The following PRSS54 variants were observed in gnomAD, a reference collection of about 807,000 sequenced individuals.
The protein encoded by PRSS54 is serine protease 54.
A neutral mutation model predicts 19.9 loss-of-function variants in PRSS54; 16 were observed. That is an observed-to-expected ratio of 0.80 (90% CI 0.54 to 1.22). PRSS54 has a LOEUF of 1.22. PRSS54 is among the 50% of genes most tolerant of loss of function. PRSS54 has a pLI of 0.00. For missense variants in PRSS54, 444 were observed against 494.8 expected, an observed-to-expected ratio of 0.90 and a Z score of 0.97; for synonymous variants, 177 against 195.8, an observed-to-expected ratio of 0.90 and a Z score of 0.80.
At chr16:58,285,744 A>AACAG (rs138992112) in intron 5 of PRSS54, among the ~76,000 whole-genome samples, 193 bp downstream of exon 5, 4 of 77,366 alleles carry the variant, frequency 5.2e-5, no homozygotes, top group African/African-American at 2.1e-4. Context: ...AAAAAAAAAA[A>AACAG]AAGAAGAAGA....
In PRSS54 at chr16:58,280,133, A is replaced by G; in HGVS notation, c.*91T>C. ...TTATCCGTGGCAGCCCCAGTGTGCA[A>G]CTATCAAAAACAGACATCAAAACAG... is the stretch of plus-strand genomic sequence containing the variant. On this transcript the variant is annotated 3_prime_UTR_variant, in exon 7 of 7. Coordinates refer to ENST00000567164, the MANE Select transcript of PRSS54 (RefSeq NM_001305173.2). 3.0e-6 allele frequency: 4 copies of G among 1,334,462 alleles called. No homozygotes were observed. Among genetic ancestry groups the G allele is most frequent in the Non-Finnish European group, 4.1e-6 (4 of 964,122 alleles). The allele number at this position is 1,334,462 out of a possible 1,614,324, so 82.7% of individuals were successfully genotyped here. A position where few individuals can be genotyped will look rare whatever the true frequency, so the allele number is the denominator to read the frequency against.
chr16:58,284,633 T>C lies in PRSS54; in HGVS notation c.611A>G (p.Glu204Gly). 6.2e-7 allele frequency: 1 copy of C among 1,614,072 alleles called. No individual in the cohort carries two copies. Among genetic ancestry groups the C allele is most frequent in the Non-Finnish European group, 8.5e-7 (1 of 1,179,980 alleles). Residue 204 changes from glutamate to glycine, a missense_variant, in exon 6 of 7, where the codon GAA becomes GGA. Transcript: ENST00000567164. ...TTCCTCTTTCGTGTGGCTGCCGCAT[T>C]CTGTCTTCTGGAGTTTGTATAGGGG... ...MCPLYKLQKT[E>G]CGSHTKEETK... is the part of the protein sequence containing the mutation.
intron 4 of PRSS54, among the ~76,000 whole-genome samples, chr16:58,287,655 A>G (rs55820457): frequency 0.1 from 15,732 of 152,250 alleles, 903 homozygotes; most frequent in Admixed American, 0.13. Flanking sequence ...CCACTGGTAT[A>G]ACCCATACAG....
rs957391032 is a variant in PRSS54 at position 58,293,763 on chromosome 16, C to G, written c.54G>C (p.Leu18=). The change falls in exon 3 of 7, where the codon CTG becomes CTC. Residue 18 remains leucine, a synonymous_variant. Transcript: ENST00000567164. ...SGDGKMRGVL[L]VLLGLLYSST... ...AAGAATAGAGAAGGCCGAGCAGCAC[C>G]AGGAGCACCCCTCGCATCTTGCCAT... 6.2e-7 allele frequency: 1 copy of G among 1,613,418 alleles called. No individual in the cohort carries two copies.
At position 58,284,644 on chromosome 16, in the gene PRSS54, G is replaced by GC; in HGVS notation, c.599_600insG (p.Gln201ProfsTer46). ...TGTGGCTGCCGCATTCTGTCTTCTGGAGTTTGTATAGGGGACACATGTCAA... is the reference window on the plus strand; with the variant it reads ...TGTGGCTGCCGCATTCTGTCTTCTGGCAGTTTGTATAGGGGACACATGTCAA... On this transcript the variant is annotated frameshift_variant, in exon 6 of 7. Transcript: ENST00000567164. 10 of 1,614,012 alleles carry GC rather than the reference G, an allele frequency of 6.2e-6. No individual in the cohort carries two copies. Among genetic ancestry groups the GC allele is most frequent in the Non-Finnish European group, 8.5e-6 (10 of 1,179,976 alleles).
In PRSS54 at chr16:58,293,781, C is replaced by T; in HGVS notation, c.36G>A (p.Lys12=). ...VSAAGLSGDG[K]MRGVLLVLLG... is the part of the protein sequence containing the mutation. Reference sequence around the variant, plus strand: ...GCAGCACCAGGAGCACCCCTCGCATCTTGCCATCCCCAGAGAGACCCGCCG... The same window carrying T: ...GCAGCACCAGGAGCACCCCTCGCATTTTGCCATCCCCAGAGAGACCCGCCG... Residue 12 remains lysine (K), a synonymous_variant, in exon 3 of 7, where the codon AAG becomes AAA. Transcript: ENST00000567164. 3.7e-6 allele frequency: 6 copies of T among 1,613,366 alleles called. No individual in the cohort carries two copies. Among genetic ancestry groups the T allele is most frequent in the Non-Finnish European group, 5.1e-6 (6 of 1,179,752 alleles).
At chr16:58,282,924 T>C (rs1964813304) in intron 6 of PRSS54, 1 of 152,302 alleles carries the variant, frequency 6.6e-6, no homozygotes, top group African/African-American at 2.4e-5. Context: ...TCCACCCACC[T>C]GGGCACAGCA....
At chr16:58,281,954 C>G (rs1345734416) in intron 6 of PRSS54, 1 of 151,780 alleles carries the variant, frequency 6.6e-6, no homozygotes, top group Non-Finnish European at 1.5e-5. Context: ...GCAATTCTCC[C>G]ACCTCAGCCT....
At chr16:58,285,811 C>T in intron 5 of PRSS54, 126 bp downstream of exon 5, 1 of 1,073,616 alleles carries the variant, frequency 9.3e-7, no homozygotes, top group Non-Finnish European at 1.3e-6. Context: ...GTAAGGGTTT[C>T]AGCCAAACTC....
At chr16:58,280,792 A>G (rs1425410225) in intron 6 of PRSS54, 35 bp from the exon 7 acceptor site, 1 of 1,542,728 alleles carries the variant, frequency 6.5e-7, no homozygotes, top group Non-Finnish European at 8.7e-7. Flanking sequence ...AAGTCTTAGA[A>G]AAACTAGTTT....
chr16:58,287,345 T>C (rs1964940361), intron 4 of PRSS54, among the ~76,000 whole-genome samples: 1 of 152,182 alleles, frequency 6.6e-6, no homozygotes, highest in Non-Finnish European at 1.5e-5. Context: ...TACAAAGGTC[T>C]TGGCAGGATG....
chr16:58,284,817 ATTT>A (rs11313996), intron 5 of PRSS54, 96 bp from the exon 6 acceptor site: 1,077 of 1,097,932 alleles, frequency 9.8e-4, no homozygotes, highest in Non-Finnish European at 1.0e-3. Context: ...GAGAGTGAGA[ATTT>A]TTTTTTTTTT....
At chr16:58,291,432 T>C (rs905047698) in intron 3 of PRSS54, among the ~76,000 whole-genome samples, 3 of 152,226 alleles carry the variant, frequency 2.0e-5, no homozygotes, top group African/African-American at 7.2e-5. Flanking sequence ...CCCCTGGGAG[T>C]CCTCAACACA....
In PRSS54 at chr16:58,284,654, A is replaced by AG. The variant is rs777450610; in HGVS notation, c.589dup (p.Leu197ProfsTer50). 1.9e-6 allele frequency: 3 copies of AG among 1,614,040 alleles called. No homozygotes were observed. The highest frequency in any genetic ancestry group is 1.7e-6 in the Non-Finnish European group (2 of 1,179,978). On this transcript the variant is annotated frameshift_variant, in exon 6 of 7. Coordinates refer to ENST00000567164, the MANE Select transcript of PRSS54 (RefSeq NM_001305173.2). ...GCATTCTGTCTTCTGGAGTTTGTAT[A>AG]GGGGACACATGTCAAGATCTTTCAC...
intron 4 of PRSS54, among the ~76,000 whole-genome samples, chr16:58,288,830 T>G (rs909452117): frequency 6.6e-6 from 1 of 152,152 alleles, no homozygotes; most frequent in Non-Finnish European, 1.5e-5. Context: ...TAGCCCTTTA[T>G]GTACCAATAA....
At position 58,291,042 on chromosome 16, in the gene PRSS54, C is replaced by T. The variant is rs576951453; in HGVS notation, c.180G>A (p.Gln60=). The T allele has an allele frequency of 1.5e-4, 246 of 1,614,230 alleles. 4 individuals are homozygous for T. The South Asian group carries it at 2.6e-3, about 17-fold the overall frequency. The change falls in exon 4 of 7, where the codon CAG becomes CAA. Residue 60 remains glutamine, a synonymous_variant. Transcript: ENST00000567164. ...AAGCCAGGTGTGTGTACTGGGAGTC[C>T]TGCAGCGACACCACCCACGGGAACT... ...SMEFPWVVSL[Q]DSQYTHLAFG...
At chr16:58,292,226 A>T (rs1965052440) in intron 3 of PRSS54, among the ~76,000 whole-genome samples, 1 of 152,086 alleles carries the variant, frequency 6.6e-6, no homozygotes, top group Admixed American at 6.6e-5. Flanking sequence ...ACCACACCCT[A>T]CCGGTGACTC....
rs1965027041 is a variant in PRSS54 at position 58,291,031 on chromosome 16, T to C, written c.191A>G (p.Tyr64Cys). ...PWVVSLQDSQ[Y>C]THLAFGCILS... Reference sequence around the variant, plus strand: ...GATGCAGCCGAAAGCCAGGTGTGTGTACTGGGAGTCCTGCAGCGACACCAC... The same window carrying C: ...GATGCAGCCGAAAGCCAGGTGTGTGCACTGGGAGTCCTGCAGCGACACCAC... Residue 64 changes from tyrosine (Y) to cysteine (C), a missense_variant, in exon 4 of 7, where the codon TAC (tyrosine) becomes TGC (cysteine). Tyr to Cys is a radical substitution (Grantham distance 194, BLOSUM62 -2). Coordinates refer to ENST00000567164, the MANE Select transcript of PRSS54 (RefSeq NM_001305173.2). 1 of 1,614,092 alleles carries C rather than the reference T, an allele frequency of 6.2e-7. No homozygotes were observed. The highest frequency in any genetic ancestry group is 8.5e-7 in the Non-Finnish European group (1 of 1,180,046).
intron 5 of PRSS54, 45 bp from the exon 6 acceptor site, chr16:58,284,766 A>G (rs773596517): frequency 5.3e-5 from 85 of 1,610,200 alleles, no homozygotes; most frequent in Non-Finnish European, 6.6e-5. Context: ...ACGAGAAGGC[A>G]GTCCCCTATG....
Sources: allele counts gnomAD v4.1 joint callset (sites outside exome capture counted in the v4.1 genomes callset), GRCh38; gene constraint gnomAD v4.1.1; transcripts MANE v1.5; gene names NCBI Gene and HGNC (gene_info 2026-07-23, HGNC 2026-07-21).